RBFOX1: variants seen among roughly 807,000 people sequenced by gnomAD.
RBFOX1 encodes RNA binding protein fox-1 homolog 1.
Under a neutral mutation model 57.7 loss-of-function variants are expected in RBFOX1, and 8 were observed. That is an observed-to-expected ratio of 0.14 (90% confidence interval 0.08 to 0.25). RBFOX1 has a LOEUF of 0.25. Among genes scored for constraint, RBFOX1 ranks in the 10% least tolerant of loss-of-function variants. The probability of loss-of-function intolerance (pLI) is 1.00; values close to 1 mark genes in which losing one functional copy is unlikely to be tolerated. For missense variants in RBFOX1, 611 were observed against 548.5 expected, an observed-to-expected ratio of 1.11 and a Z score of -1.14; for synonymous variants, 326 against 222.4, an observed-to-expected ratio of 1.47 and a Z score of -4.15.
At chr16:6,828,404 G>C (rs1181725585) in intron 3 of RBFOX1, among the ~76,000 whole-genome samples, 1 of 151,820 alleles carries the variant, frequency 6.6e-6, no homozygotes, top group Non-Finnish European at 1.5e-5. Flanking sequence ...CAGGCCTTTA[G>C]ACCCAGCTAC....
At chr16:6,780,433 TA>T (rs2080745534) in intron 3 of RBFOX1, among the ~76,000 whole-genome samples, 1 of 105,628 alleles carries the variant, frequency 9.5e-6, no homozygotes, top group African/African-American at 4.2e-5. Context: ...TATATATTTA[TA>T]GATATATTTA....
chr16:5,525,074 C>T (rs1047520276), intron 2 of RBFOX1, among the ~76,000 whole-genome samples: 5 of 152,226 alleles, frequency 3.3e-5, no homozygotes, highest in Admixed American at 2.6e-4. Context: ...CCTTCTTTCT[C>T]AACACTGCTC....
intron 2 of RBFOX1, among the ~76,000 whole-genome samples, chr16:6,349,957 A>G (rs1360271670): frequency 1.3e-5 from 2 of 152,160 alleles, no homozygotes; most frequent in East Asian, 3.9e-4. Flanking sequence ...GGAGATTTCC[A>G]TGGTGAATGT....
At chr16:7,650,655 G>A (rs190480129) in intron 11 of RBFOX1, among the ~76,000 whole-genome samples, 1 of 152,220 alleles carries the variant, frequency 6.6e-6, no homozygotes, top group Non-Finnish European at 1.5e-5. Context: ...TTGTGGCTGA[G>A]AGGGAGCTTG....
chr16:7,220,302 C>T (rs1311034421), intron 4 of RBFOX1, among the ~76,000 whole-genome samples: 3 of 152,194 alleles, frequency 2.0e-5, no homozygotes, highest in Non-Finnish European at 2.9e-5. Context: ...TCTGACATTT[C>T]ATCATGCTGA....
chr16:5,798,344 T>C (rs1176194400), intron 3 of RBFOX1, among the ~76,000 whole-genome samples: 2 of 152,168 alleles, frequency 1.3e-5, no homozygotes, highest in Non-Finnish European at 2.9e-5. Context: ...TTTCTCCCTA[T>C]TGTGTGCTTG....
intron 1 of RBFOX1, among the ~76,000 whole-genome samples, chr16:6,049,398 T>A (rs1161498646): frequency 6.6e-6 from 1 of 152,204 alleles, no homozygotes; most frequent in Non-Finnish European, 1.5e-5. Flanking sequence ...AAGAATCACC[T>A]TCTTTGAATC....
intron 14 of RBFOX1, among the ~76,000 whole-genome samples, chr16:7,682,842 GT>G (rs1389148468): frequency 6.8e-6 from 1 of 148,042 alleles, no homozygotes; most frequent in African/African-American, 2.5e-5. Context: ...TGTTGTTGTT[GT>G]TTTTTGGGGT....
intron 2 of RBFOX1, among the ~76,000 whole-genome samples, chr16:5,581,310 T>C (rs2046658054): frequency 6.6e-6 from 1 of 152,252 alleles, no homozygotes; most frequent in Admixed American, 6.5e-5. Context: ...ACAGAGGTCC[T>C]AACTCTAGCA....
chr16:5,837,046 A>G (rs758918035), intron 3 of RBFOX1, among the ~76,000 whole-genome samples: 14 of 152,128 alleles, frequency 9.2e-5, no homozygotes, highest in Non-Finnish European at 2.1e-4. Flanking sequence ...AAGTACCCGT[A>G]TTCCCTGACA....
intron 2 of RBFOX1, among the ~76,000 whole-genome samples, chr16:6,383,105 C>T (rs2091960364): frequency 6.6e-6 from 1 of 152,170 alleles, no homozygotes. Flanking sequence ...CTAGCAAATT[C>T]TCATGCTTTC....
chr16:7,592,497 G>T (rs1187422968), intron 7 of RBFOX1, among the ~76,000 whole-genome samples: 1 of 152,188 alleles, frequency 6.6e-6, no homozygotes, highest in African/African-American at 2.4e-5. Flanking sequence ...TCCCAGTGCT[G>T]TGGTAATAAT....
chr16:6,121,747 G>A (rs1485387353), intron 1 of RBFOX1, among the ~76,000 whole-genome samples: 1 of 152,098 alleles, frequency 6.6e-6, no homozygotes, highest in Non-Finnish European at 1.5e-5. Context: ...GCTGGGTGAA[G>A]GTGAACAAGT....
intron 12 of RBFOX1, among the ~76,000 whole-genome samples, chr16:7,660,961 A>G (rs529880493): frequency 6.6e-6 from 1 of 152,296 alleles, no homozygotes; most frequent in African/African-American, 2.4e-5. Context: ...TAAAGAGGCA[A>G]TGATCATATT....
At chr16:5,854,582 TCACACACACACA>T (rs3041543) in intron 3 of RBFOX1, among the ~76,000 whole-genome samples, 1 of 148,558 alleles carries the variant, frequency 6.7e-6, no homozygotes, top group Non-Finnish European at 1.5e-5. Context: ...AAGCACACAT[TCACACACACACA>T]CACACACACA....
chr16:5,758,996 A>C (rs79948699), intron 3 of RBFOX1, among the ~76,000 whole-genome samples: 2 of 152,184 alleles, frequency 1.3e-5, no homozygotes, highest in African/African-American at 4.8e-5. Context: ...TTGCAGTTAA[A>C]CCATGGTGAG....
intron 4 of RBFOX1, among the ~76,000 whole-genome samples, chr16:7,353,782 A>C (rs540681823): frequency 6.6e-6 from 1 of 152,280 alleles, no homozygotes; most frequent in East Asian, 1.9e-4. Context: ...AAAGTAGATT[A>C]ATGATTGCTA....
chr16:6,940,601 C>G lies in RBFOX1; in HGVS notation c.-15-111456C>G, dbSNP rs1025169681. On this transcript the variant is annotated intron_variant, in intron 3 of 15. Coordinates refer to ENST00000550418, the MANE Select transcript of RBFOX1 (RefSeq NM_018723.4). ...GGTATTCAGGGGTCTTATTTGTACA[C>G]TTCTTTTCTTTTTTGAGGCGGAGTC... Among the ~76,000 whole-genome samples the G allele has an allele frequency of 6.6e-5, 10 of 152,012 alleles. 1 individual carries two copies. Among genetic ancestry groups the G allele is most frequent in the Admixed American group, 4.6e-4 (7 of 15,262 alleles).
At chr16:7,098,034 T>A (rs992449139) in intron 4 of RBFOX1, among the ~76,000 whole-genome samples, 1 of 152,076 alleles carries the variant, frequency 6.6e-6, no homozygotes, top group Non-Finnish European at 1.5e-5. Context: ...AGTGATGGAG[T>A]ATTCAAGTAA....
Sources: gnomAD v4.1 joint callset for allele counts (sites outside exome capture counted in the v4.1 genomes callset) on GRCh38, gnomAD v4.1.1 for gene constraint, MANE v1.5 for transcripts, NCBI Gene and HGNC (gene_info 2026-07-23, HGNC 2026-07-21) for gene names.